Variants in PSMD5 observed in about 807,000 individuals in gnomAD.
The protein encoded by PSMD5 is proteasome 26S subunit, non-ATPase 5, also known as 26S proteasome non-ATPase regulatory subunit 5.
In PSMD5, 40 loss-of-function variants were observed where a neutral mutation model predicts 52.1. That is an observed-to-expected ratio of 0.77 (90% confidence interval 0.60 to 1.00). The LOEUF is 1.00. Among genes scored for constraint, PSMD5 ranks in the 50% least tolerant of loss-of-function variants. The pLI is 0.00. For missense variants in PSMD5, 575 were observed against 605.2 expected (o/e 0.95, Z 0.52); for synonymous variants, 211 against 226.6 (o/e 0.93, Z 0.62).
intron 5 of PSMD5, among the ~76,000 whole-genome samples, chr9:120,828,101 ATTCTC>A (rs2045135163): frequency 6.6e-6 from 1 of 152,024 alleles, no homozygotes; most frequent in Admixed American, 6.6e-5. Flanking sequence ...GGTTTAAGCA[ATTCTC>A]TTGTCTCAGC....
rs1402658364 is a variant in PSMD5 at position 120,831,952 on chromosome 9, G to C, written c.319-7C>G. ...TTTCAACAATTCTTCCAATCTGAAA[G>C]AAAAACAATCAGAAACACTCTTCTA... On this transcript the variant is annotated splice_polypyrimidine_tract_variant and splice_region_variant and intron_variant, in intron 2 of 9. Coordinates refer to ENST00000210313, the MANE Select transcript of PSMD5 (RefSeq NM_005047.4). 8.1e-6 allele frequency: 13 copies of C among 1,610,242 alleles called. No individual in the cohort carries two copies. The highest frequency in any genetic ancestry group is 9.3e-6 in the Non-Finnish European group (11 of 1,178,958).
chr9:120,837,171 T>G (rs530732753), intron 1 of PSMD5, among the ~76,000 whole-genome samples: 105 of 152,222 alleles, frequency 6.9e-4, no homozygotes, highest in Non-Finnish European at 1.3e-3. Flanking sequence ...TTACAGGCGT[T>G]AGCCACCGCG....
rs769681775 is a variant in PSMD5, at chr9:120,842,786, C to T, written c.124G>A (p.Ala42Thr). ...VPLNELRQQA[A>T]ELRLGPLFSL... ...AAGAGCGGGCCGAGGCGCAGCTCCG[C>T]CGCTTGCTGGCGAAGCTCGTTGAGC... Residue 42 changes from alanine (A) to threonine (T), a missense_variant, in exon 1 of 10, where the codon GCG becomes ACG. Coordinates refer to ENST00000210313, the MANE Select transcript of PSMD5 (RefSeq NM_005047.4). 7.3e-5 allele frequency: 118 copies of T among 1,612,910 alleles called. No individual in the cohort carries two copies. The highest frequency in any genetic ancestry group is 9.0e-5 in the Non-Finnish European group (106 of 1,180,014).
intron 4 of PSMD5, among the ~76,000 whole-genome samples, chr9:120,829,743 C>T (rs547131191): frequency 1.3e-5 from 2 of 152,290 alleles, no homozygotes; most frequent in African/African-American, 4.8e-5. Flanking sequence ...TCAGCACTTT[C>T]CCGCCCAAGC....
chr9:120,836,456 G>T (rs2045198929), intron 1 of PSMD5, among the ~76,000 whole-genome samples: 1 of 151,070 alleles, frequency 6.6e-6, no homozygotes, highest in African/African-American at 2.4e-5. Context: ...GAGTGCGATG[G>T]CGTGATCTTG....
At chr9:120,821,860 G>A (rs115491056) in intron 7 of PSMD5, among the ~76,000 whole-genome samples, 77 of 152,264 alleles carry the variant, frequency 5.1e-4, no homozygotes, top group African/African-American at 1.8e-3. Context: ...CTTTTTAAAG[G>A]CTGAGTAATA....
chr9:120,842,700 C>A, intron 1 of PSMD5, 37 bp downstream of exon 1: 1 of 1,609,386 alleles, frequency 6.2e-7, no homozygotes, highest in Non-Finnish European at 8.5e-7. Flanking sequence ...TTTAGGGGTG[C>A]CCCTCTCCTC....
At chr9:120,823,809 T>C (rs991880256) in intron 7 of PSMD5, among the ~76,000 whole-genome samples, 2 of 152,018 alleles carry the variant, frequency 1.3e-5, no homozygotes, top group African/African-American at 4.8e-5. Context: ...ATTGTATCTC[T>C]TAACATGCCA....
chr9:120,835,712 A>G (rs974130407), intron 1 of PSMD5, among the ~76,000 whole-genome samples: 1 of 151,880 alleles, frequency 6.6e-6, no homozygotes, highest in Non-Finnish European at 1.5e-5. Flanking sequence ...CTAGGCGACA[A>G]GAACGAAACT....
intron 1 of PSMD5, chr9:120,842,038 T>C (rs955789987): frequency 2.0e-5 from 3 of 152,360 alleles, no homozygotes; most frequent in Admixed American, 6.5e-5. Context: ...ACCCCCTCAC[T>C]GCGGACATAC....
chr9:120,840,654 C>A (rs1200532788), intron 1 of PSMD5, among the ~76,000 whole-genome samples: 4 of 144,450 alleles, frequency 2.8e-5, no homozygotes, highest in Non-Finnish European at 6.0e-5. Flanking sequence ...GAATCTCACT[C>A]TGTTGCCCAG....
Position 120,820,889 on chromosome 9 carries a change from T to C in PSMD5, c.1207A>G (p.Ser403Gly), listed in dbSNP as rs1352314007. 1 of 1,608,238 alleles carries C rather than the reference T, an allele frequency of 6.2e-7. No homozygotes were observed. Residue 403 changes from serine (S) to glycine (G), a missense_variant, in exon 9 of 10, where the codon AGT (serine) becomes GGT (glycine). By Grantham distance (56) the Ser-to-Gly change is moderately conservative. Transcript: ENST00000210313. The part of the protein sequence containing the change: ...RDPLELFRGI[S>G]SQPFPELHCA... ...TGTAGTTCAGGGAAGGGCTGACTAC[T>C]AATGCCACGGAAGAGCTCCAGTGGA...
In PSMD5 at chr9:120,817,059, C is replaced by CT. The variant is rs1308586420; in HGVS notation, c.*846dup. On this transcript the variant is annotated 3_prime_UTR_variant, in exon 10 of 10. Coordinates refer to ENST00000210313, the MANE Select transcript of PSMD5 (RefSeq NM_005047.4). ...TATAAACATTTTTTAGATATTTTGT[C>CT]TTTTTTTCAAAGGAATAATAGTAAC... 1.3e-5 allele frequency: 2 copies of CT among 151,964 alleles called. No homozygotes were observed. The highest frequency in any genetic ancestry group is 2.1e-4 in the South Asian group (1 of 4,810). 9.4% of individuals were successfully genotyped at this position (151,964 alleles called of 1,614,324 possible).
intron 1 of PSMD5, among the ~76,000 whole-genome samples, chr9:120,833,696 T>TTTTA (rs2045177688): frequency 7.3e-6 from 1 of 137,062 alleles, no homozygotes; most frequent in African/African-American, 2.7e-5. Flanking sequence ...TTTTTTTTTT[T>TTTTA]GAGGTGGAGT....
chr9:120,840,790 T>C (rs1304560384), intron 1 of PSMD5, among the ~76,000 whole-genome samples: 2 of 152,078 alleles, frequency 1.3e-5, no homozygotes, highest in Non-Finnish European at 2.9e-5. Context: ...CGGCTAATTT[T>C]TGTATTTTTA....
At chr9:120,832,653 C>T (rs1185690799) in intron 2 of PSMD5, among the ~76,000 whole-genome samples, 1 of 152,226 alleles carries the variant, frequency 6.6e-6, no homozygotes, top group Non-Finnish European at 1.5e-5. Flanking sequence ...GCCTTGGCTT[C>T]CCAAAGTGCT....
At chr9:120,819,127 T>G (rs1166701201) in intron 9 of PSMD5, among the ~76,000 whole-genome samples, 2 of 152,262 alleles carry the variant, frequency 1.3e-5, no homozygotes, top group Admixed American at 1.3e-4. Flanking sequence ...AGATTAAGTT[T>G]TTCAAAACCT....
At chr9:120,841,633 C>G (rs2045238759) in intron 1 of PSMD5, among the ~76,000 whole-genome samples, 1 of 152,062 alleles carries the variant, frequency 6.6e-6, no homozygotes, top group African/African-American at 2.4e-5. Flanking sequence ...CTTTCCATGT[C>G]CACATACATA....
chr9:120,823,200 A>ATCTT (rs1453455609), intron 7 of PSMD5, among the ~76,000 whole-genome samples: 2 of 150,504 alleles, frequency 1.3e-5, no homozygotes, highest in African/African-American at 4.9e-5. Context: ...CCATAAAAGT[A>ATCTT]TCTTTCTTTC....
Sources: allele counts gnomAD v4.1 joint callset (sites outside exome capture counted in the v4.1 genomes callset), GRCh38; gene constraint gnomAD v4.1.1; transcripts MANE v1.5; gene names NCBI Gene and HGNC (gene_info 2026-07-23, HGNC 2026-07-21).